The following COG3 variants were observed in gnomAD, a reference collection of about 807,000 sequenced individuals.
COG3 encodes conserved oligomeric Golgi complex subunit 3.
Under a neutral mutation model 114.1 loss-of-function variants are expected in COG3, and 32 were observed. The observed-to-expected ratio is 0.28, with a 90% confidence interval of 0.21 to 0.38. COG3 has a LOEUF of 0.38. Ranked by LOEUF, COG3 falls within the 10% of genes least tolerant of loss-of-function variation. The pLI is 1.00. For synonymous variants in COG3, 352 were observed against 365.7 expected, an observed-to-expected ratio of 0.96 and a Z score of 0.43; for missense variants, 813 against 973.2, an observed-to-expected ratio of 0.84 and a Z score of 2.19.
intron 15 of COG3, 138 bp downstream of exon 15, chr13:45,509,954 A>G: frequency 2.2e-6 from 2 of 889,544 alleles, no homozygotes; most frequent in Non-Finnish European, 3.3e-6. Flanking sequence ...CTTGAGGTCA[A>G]GCTAATTTAG....
chr13:45,482,884 A>G (rs776455205), intron 6 of COG3, among the ~76,000 whole-genome samples: 1 of 152,126 alleles, frequency 6.6e-6, no homozygotes, highest in Non-Finnish European at 1.5e-5. Flanking sequence ...ATCACCCTCT[A>G]TTTCTGTTTC....
chr13:45,517,416 T>C (rs1320011135), intron 17 of COG3, among the ~76,000 whole-genome samples: 2 of 152,230 alleles, frequency 1.3e-5, no homozygotes, highest in East Asian at 1.9e-4. Context: ...TTTCGTTCCC[T>C]AGTGCTCTCT....
intron 13 of COG3, among the ~76,000 whole-genome samples, chr13:45,500,373 A>G (rs1188545387): frequency 6.6e-6 from 1 of 152,162 alleles, no homozygotes; most frequent in African/African-American, 2.4e-5. Flanking sequence ...TGGAAAATAG[A>G]TTAAAGATAA....
chr13:45,465,012 G>A lies in COG3; in HGVS notation c.-25G>A. 1 of 1,548,938 alleles carries A rather than the reference G, an allele frequency of 6.5e-7. No individual in the cohort carries two copies. The highest frequency in any genetic ancestry group is 8.7e-7 in the Non-Finnish European group (1 of 1,148,354). On this transcript the variant is annotated 5_prime_UTR_variant, in exon 1 of 23. Transcript: ENST00000349995. ...TCGGGGTCCCCTCCATCTCGCTGCT[G>A]CTGAAGGCCGCGAGGGCGGCGGCGA...
At chr13:45,513,217 A>ATACATATAATATATACATATAAAT (rs1871084627) in intron 16 of COG3, among the ~76,000 whole-genome samples, 2 of 12,682 alleles carry the variant, frequency 1.6e-4, no homozygotes, top group Non-Finnish European at 6.7e-4. Context: ...CATATAAATT[A>ATACATATAATATATACATATAAAT]TATATATATA....
chr13:45,480,089 GATT>G, intron 3 of COG3, 33 bp from the exon 4 acceptor site: 1 of 1,544,194 alleles, frequency 6.5e-7, no homozygotes, highest in Non-Finnish European at 8.8e-7. Flanking sequence ...TGGGGGAAAA[GATT>G]ATTGCCAATC....
chr13:45,480,568 C>T (rs1037425574), intron 4 of COG3, among the ~76,000 whole-genome samples: 1 of 151,966 alleles, frequency 6.6e-6, no homozygotes, highest in African/African-American at 2.4e-5. Flanking sequence ...TTATTACTGA[C>T]ACTTTTATTT....
intron 8 of COG3, among the ~76,000 whole-genome samples, chr13:45,487,432 A>G (rs532506467): frequency 3.9e-5 from 6 of 152,218 alleles, no homozygotes; most frequent in Non-Finnish European, 7.3e-5. Context: ...AACAAAGGAA[A>G]ACAATTACCA....
chr13:45,496,772 C>T (rs1046866285), intron 13 of COG3, among the ~76,000 whole-genome samples: 13 of 151,930 alleles, frequency 8.6e-5, no homozygotes, highest in Non-Finnish European at 1.5e-4. Context: ...CTCACGGGTT[C>T]GCGCCATTCT....
chr13:45,476,098 ATTTC>A (rs1885843703), intron 1 of COG3, 99 bp from the exon 2 acceptor site: 1 of 1,050,494 alleles, frequency 9.5e-7, no homozygotes, highest in Non-Finnish European at 1.4e-6. Flanking sequence ...AATGGAAAAT[ATTTC>A]TTTCTCTTTC....
chr13:45,501,125 A>C (rs373008898), intron 13 of COG3, among the ~76,000 whole-genome samples: 7 of 152,208 alleles, frequency 4.6e-5, no homozygotes, highest in African/African-American at 1.7e-4. Context: ...AGGTTTCACC[A>C]CCGTGCAGTT....
At chr13:45,471,022 A>G (rs952209292) in intron 1 of COG3, among the ~76,000 whole-genome samples, 1 of 152,236 alleles carries the variant, frequency 6.6e-6, no homozygotes, top group Non-Finnish European at 1.5e-5. Context: ...CAACCCCATC[A>G]TAAGCTGAGG....
intron 13 of COG3, among the ~76,000 whole-genome samples, chr13:45,501,003 C>T (rs1008714038): frequency 6.6e-6 from 1 of 152,152 alleles, no homozygotes; most frequent in Non-Finnish European, 1.5e-5. Context: ...GGGAGGAAAA[C>T]CACAGTGGTG....
At chr13:45,501,685 A>G (rs1033272869) in intron 13 of COG3, among the ~76,000 whole-genome samples, 1 of 152,142 alleles carries the variant, frequency 6.6e-6, no homozygotes, top group Admixed American at 6.5e-5. Context: ...CTACAGGGGT[A>G]TTGTTGCTTT....
intron 17 of COG3, among the ~76,000 whole-genome samples, chr13:45,517,236 C>T (rs537223966): frequency 6.6e-6 from 1 of 152,202 alleles, no homozygotes; most frequent in Admixed American, 6.5e-5. Context: ...AATGGTCACT[C>T]AAATTATTTT....
At chr13:45,502,767 C>A (rs1314816069) in intron 13 of COG3, among the ~76,000 whole-genome samples, 1 of 152,080 alleles carries the variant, frequency 6.6e-6, no homozygotes, top group South Asian at 2.1e-4. Context: ...GTCTTTTATG[C>A]CTTACCTGCC....
chr13:45,486,339 C>CGGAGAGGGAGAGGGAGA (rs72096860), intron 7 of COG3, among the ~76,000 whole-genome samples, 156 bp from the exon 8 acceptor site: 3 of 55,238 alleles, frequency 5.4e-5, no homozygotes, highest in East Asian at 5.4e-4. Context: ...AGACGGGAGA[C>CGGAGAGGGAGAGGGAGA]GGGAGAGGGA....
In COG3 at chr13:45,480,220, A is replaced by C; in HGVS notation, c.479A>C (p.Lys160Thr). 6.2e-7 allele frequency: 1 copy of C among 1,613,968 alleles called. No individual in the cohort carries two copies. Among genetic ancestry groups the C allele is most frequent in the Non-Finnish European group, 8.5e-7 (1 of 1,179,840 alleles). The part of the protein sequence containing the change: ...SALQHLESLQ[K>T]QYLFVSNKTG... ...CTTCAGCATCTGGAGTCTTTGCAGA[A>C]ACAGTATCTTTTTGTGTCCAATAAG... Residue 160 changes from lysine (K) to threonine (T), a missense_variant, in exon 4 of 23, where the codon AAA becomes ACA. This residue lies in a region of COG3 where 424 missense variants were observed against 430.6 expected (regional missense o/e 0.98). Transcript: ENST00000349995.
rs1356033358 is a variant in COG3, at chr13:45,534,700, A to G, written c.2458-2A>G. On this transcript the variant is annotated splice_acceptor_variant, in intron 22 of 22. Coordinates refer to ENST00000349995, the MANE Select transcript of COG3 (RefSeq NM_031431.4). LOFTEE classifies it high-confidence loss of function. ...AACATAGCTCTTAATTTTGCTTTTC[A>G]GCTGAGCCTTCTGCTGTTGGTTTCT... The G allele has an allele frequency of 1.3e-6, 2 of 1,564,562 alleles. No homozygotes were observed. Among genetic ancestry groups the G allele is most frequent in the African/African-American group, 1.4e-5 (1 of 73,926 alleles).
Sources: allele counts gnomAD v4.1 joint callset (sites outside exome capture counted in the v4.1 genomes callset), GRCh38; gene constraint gnomAD v4.1.1; regional missense constraint gnomAD v4.1.1; transcripts MANE v1.5; gene names NCBI Gene and HGNC (gene_info 2026-07-23, HGNC 2026-07-21).